The following ZFAND3 variants were observed in gnomAD, a reference collection of about 807,000 sequenced individuals.
ZFAND3 encodes zinc finger AN1-type containing 3.
In ZFAND3, 10 loss-of-function variants were observed where a neutral mutation model predicts 29.6. The ratio of observed to expected loss-of-function variants is 0.34; its 90% CI spans 0.21 to 0.57. The LOEUF is 0.57. Among genes scored for constraint, ZFAND3 ranks in the 20% least tolerant of loss-of-function variants. The pLI is 0.86. For synonymous variants in ZFAND3, 128 were observed against 112.6 expected (o/e 1.14, Z -0.87); for missense variants, 230 against 304.5 (o/e 0.76, Z 1.82).
At chr6:38,121,917 A>G (rs193285739) in intron 5 of ZFAND3, among the ~76,000 whole-genome samples, 60 of 152,334 alleles carry the variant, frequency 3.9e-4, no homozygotes, top group African/African-American at 1.3e-3. Flanking sequence ...AATTTTCCCT[A>G]GATTCATCAT....
chr6:37,868,192 A>AAATTT (rs1422950889), intron 1 of ZFAND3, among the ~76,000 whole-genome samples: 1 of 152,224 alleles, frequency 6.6e-6, no homozygotes, highest in African/African-American at 2.4e-5. Flanking sequence ...TGAAATGATG[A>AAATTT]TATGGTTTTT....
At chr6:38,009,826 T>A (rs1763115167) in intron 2 of ZFAND3, among the ~76,000 whole-genome samples, 1 of 152,230 alleles carries the variant, frequency 6.6e-6, no homozygotes, top group Admixed American at 6.5e-5. Flanking sequence ...CTTGCCAGAA[T>A]TAACAAATAG....
chr6:38,120,236 C>T (rs1012941254), intron 5 of ZFAND3, among the ~76,000 whole-genome samples: 7 of 148,014 alleles, frequency 4.7e-5, no homozygotes, highest in South Asian at 2.2e-4. Context: ...ATCTGGCCAT[C>T]TTCATCAAAT....
intron 5 of ZFAND3, among the ~76,000 whole-genome samples, chr6:38,146,333 C>T (rs893573491): frequency 6.6e-6 from 1 of 152,178 alleles, no homozygotes; most frequent in Admixed American, 6.5e-5. Context: ...ATGCCCAGGG[C>T]AGCCTGTCAG....
intron 5 of ZFAND3, among the ~76,000 whole-genome samples, chr6:38,138,844 A>C (rs533404961): frequency 1.3e-5 from 2 of 152,340 alleles, no homozygotes; most frequent in African/African-American, 2.4e-5. Flanking sequence ...GGTACAGTTG[A>C]GATTCCTAGC....
chr6:38,036,704 A>G (rs1581858750), intron 2 of ZFAND3, among the ~76,000 whole-genome samples: 1 of 152,226 alleles, frequency 6.6e-6, no homozygotes, highest in African/African-American at 2.4e-5. Flanking sequence ...GACTTAAGAA[A>G]CTAACTTGAC....
chr6:37,882,047 A>G (rs1285459379), intron 1 of ZFAND3, among the ~76,000 whole-genome samples: 1 of 152,072 alleles, frequency 6.6e-6, no homozygotes, highest in African/African-American at 2.4e-5. Flanking sequence ...CCAATGTTGA[A>G]TTTTCCAGGT....
At chr6:37,911,955 A>G (rs16890244) in intron 1 of ZFAND3, among the ~76,000 whole-genome samples, 7,639 of 151,642 alleles carry the variant, frequency 0.05, 566 homozygotes, top group African/African-American at 0.16. Context: ...GAAGATGAGT[A>G]TGATGCAGAT....
At chr6:37,951,514 G>A (rs1761998183) in intron 2 of ZFAND3, among the ~76,000 whole-genome samples, 1 of 152,126 alleles carries the variant, frequency 6.6e-6, no homozygotes, top group South Asian at 2.1e-4. Context: ...GGGATCAGTT[G>A]AACCCAGGAG....
At chr6:38,096,373 A>G (rs1764980071) in intron 4 of ZFAND3, among the ~76,000 whole-genome samples, 1 of 151,962 alleles carries the variant, frequency 6.6e-6, no homozygotes, top group African/African-American at 2.4e-5. Flanking sequence ...GGGTTTCACC[A>G]TATTGGCCAG....
intron 1 of ZFAND3, among the ~76,000 whole-genome samples, chr6:37,901,580 T>C (rs550590264): frequency 6.6e-6 from 1 of 152,140 alleles, no homozygotes; most frequent in Non-Finnish European, 1.5e-5. Flanking sequence ...ATTGTGCCAC[T>C]GTGCTCCAGC....
intron 2 of ZFAND3, among the ~76,000 whole-genome samples, chr6:38,057,285 T>C (rs1391946876): frequency 6.6e-6 from 1 of 152,218 alleles, no homozygotes; most frequent in African/African-American, 2.4e-5. Flanking sequence ...AATATAAATC[T>C]GTTCCCCTTC....
intron 1 of ZFAND3, among the ~76,000 whole-genome samples, chr6:37,840,013 T>C (rs956454093): frequency 6.6e-6 from 1 of 152,232 alleles, no homozygotes; most frequent in Non-Finnish European, 1.5e-5. Flanking sequence ...GAGAAAACTT[T>C]ACCTAATTCA....
At chr6:37,838,210 A>C (rs1461758504) in intron 1 of ZFAND3, among the ~76,000 whole-genome samples, 1 of 152,200 alleles carries the variant, frequency 6.6e-6, no homozygotes, top group Non-Finnish European at 1.5e-5. Context: ...TTTTCTAGTT[A>C]TGAAGGGAAT....
At chr6:38,080,243 C>T (rs1272315236) in intron 3 of ZFAND3, among the ~76,000 whole-genome samples, 4 of 151,718 alleles carry the variant, frequency 2.6e-5, no homozygotes, top group Admixed American at 6.6e-5. Flanking sequence ...CACCGTGGCA[C>T]GTGTATACCT....
chr6:38,059,200 T>G (rs1282175429), intron 2 of ZFAND3, among the ~76,000 whole-genome samples: 1 of 152,202 alleles, frequency 6.6e-6, no homozygotes, highest in Non-Finnish European at 1.5e-5. Context: ...TCCTTATCCC[T>G]TGGCCTCAAA....
intron 2 of ZFAND3, among the ~76,000 whole-genome samples, chr6:38,043,801 C>CTTATTTAT (rs148013161): frequency 0.012 from 1,740 of 150,332 alleles, 14 homozygotes; most frequent in Non-Finnish European, 0.012. Flanking sequence ...TGCTCGCTTG[C>CTTATTTAT]TTATTTATTT....
chr6:37,873,579 G>A (rs1764738020), intron 1 of ZFAND3, among the ~76,000 whole-genome samples: 2 of 152,222 alleles, frequency 1.3e-5, no homozygotes. Context: ...ATGGTCCAGG[G>A]ATATGTAAAT....
chr6:38,027,045 A>T (rs1037283434), intron 2 of ZFAND3, among the ~76,000 whole-genome samples: 4 of 152,222 alleles, frequency 2.6e-5, no homozygotes, highest in African/African-American at 9.6e-5. Flanking sequence ...TATTTTCCCC[A>T]GTCCACGAAG....
Sources: gnomAD v4.1 joint callset for allele counts (sites outside exome capture counted in the v4.1 genomes callset) on GRCh38, gnomAD v4.1.1 for gene constraint, MANE v1.5 for transcripts, NCBI Gene and HGNC (gene_info 2026-07-23, HGNC 2026-07-21) for gene names.